DNAH5: variants seen among roughly 807,000 people sequenced by gnomAD.
DNAH5 encodes the protein axonemal beta dynein heavy chain 5.
A neutral mutation model predicts 518.2 loss-of-function variants in DNAH5; 372 were observed. The observed-to-expected ratio is 0.72, with a 90% CI of 0.66 to 0.78. The LOEUF is 0.78. Ranked by LOEUF, DNAH5 falls within the 30% of genes least tolerant of loss-of-function variation. The pLI, the probability that DNAH5 is intolerant of heterozygous loss-of-function variation, is 0.00. For missense variants in DNAH5, 5,523 were observed against 5,687.0 expected, an observed-to-expected ratio of 0.97 and a Z score of 0.93; for synonymous variants, 2,039 against 2,025.9, an observed-to-expected ratio of 1.01 and a Z score of -0.17.
intron 60 of DNAH5, 111 bp downstream of exon 60, chr5:13,762,611 G>T: frequency 1.1e-6 from 1 of 924,824 alleles, no homozygotes; most frequent in Non-Finnish European, 1.7e-6. Context: ...CCATGGACCT[G>T]AGTATCCTAA....
At chr5:13,903,590 A>T (rs1339192005) in intron 12 of DNAH5, among the ~76,000 whole-genome samples, 1 of 151,970 alleles carries the variant, frequency 6.6e-6, no homozygotes, top group Non-Finnish European at 1.5e-5. Context: ...TTAATATTAA[A>T]AGATAGAAAT....
At chr5:13,965,513 T>A (rs1472290677) in intron 1 of DNAH5, among the ~76,000 whole-genome samples, 2 of 152,206 alleles carry the variant, frequency 1.3e-5, no homozygotes, top group African/African-American at 4.8e-5. Flanking sequence ...AAAGTCTTGT[T>A]TCACATATCA....
rs781119597 is a variant in DNAH5 at position 13,885,243 on chromosome 5, A to G, written c.2744-15T>C. 1 of 1,613,688 alleles carries G rather than the reference A, an allele frequency of 6.2e-7. No individual in the cohort carries two copies. The highest frequency in any genetic ancestry group is 1.1e-5 in the South Asian group (1 of 90,892). On this transcript the variant is annotated splice_polypyrimidine_tract_variant and intron_variant, in intron 18 of 78. Transcript: ENST00000265104. ...TTCTCTTTTTGCTGTTACAAGATGA[A>G]AGAGATAGAGATAGAGATAAGTTAG...
intron 21 of DNAH5, among the ~76,000 whole-genome samples, chr5:13,880,796 TA>T (rs1771553897): frequency 6.6e-6 from 1 of 151,310 alleles, no homozygotes; most frequent in South Asian, 2.1e-4. Context: ...AGAAAACAAT[TA>T]ACAAAAAGGC....
Position 13,719,101 on chromosome 5 carries a change from C to T in DNAH5, c.12280G>A (p.Gly4094Arg), listed in dbSNP as rs1169235533. ...RKLLQQTMAN[G>R]GWALLQNCHL... is the part of the protein sequence containing the mutation. ...CAGTTCTGCAGAAGTGCCCATCCTC[C>T]CTGTCAATAGCAGTAAACGGAAATT... Residue 4094 changes from glycine to arginine, a missense_variant and splice_region_variant, in exon 72 of 79, where the codon GGA becomes AGA. Physicochemically the swap from Gly to Arg is moderately radical, Grantham distance 125 (BLOSUM62 -2). Transcript: ENST00000265104. 6.2e-7 allele frequency: 1 copy of T among 1,612,508 alleles called. No individual in the cohort carries two copies. Among genetic ancestry groups the T allele is most frequent in the Non-Finnish European group, 8.5e-7 (1 of 1,178,794 alleles).
chr5:13,803,960 G>A (rs767369858), intron 47 of DNAH5, among the ~76,000 whole-genome samples: 67 of 152,222 alleles, frequency 4.4e-4, no homozygotes, highest in South Asian at 1.2e-3. Context: ...TTGTAAGATG[G>A]TAGCTATATT....
At position 13,788,914 on chromosome 5, in the gene DNAH5, C is replaced by G. The variant is rs745885469; in HGVS notation, c.8449G>C (p.Asp2817His). The change falls in exon 51 of 79, where the codon GAT becomes CAT. Residue 2817 changes from aspartate to histidine, a missense_variant and splice_region_variant. Physicochemically the swap from Asp to His is moderately conservative, Grantham distance 81. Transcript: ENST00000265104. ...TCATGCTTCCACAGCTTTAACAGATCCTGTTGAAAGTATAATTAAAATGTG... is the reference window on the plus strand; with the variant it reads ...TCATGCTTCCACAGCTTTAACAGATGCTGTTGAAAGTATAATTAAAATGTG... ...TTSEVIKEPNDLLKLWKHECK... is the reference protein window; with the variant it reads ...TTSEVIKEPNHLLKLWKHECK... 1.9e-6 allele frequency: 3 copies of G among 1,613,414 alleles called. No homozygotes were observed. In the South Asian group the frequency reaches 3.3e-5, roughly 18 times the overall value.
chr5:13,871,141 C>A, intron 23 of DNAH5, 139 bp from the exon 24 acceptor site: 1 of 655,178 alleles, frequency 1.5e-6, no homozygotes, highest in East Asian at 2.7e-5. Context: ...TGGAAAAAAT[C>A]ATAATTTTTC....
chr5:13,792,122 A>G lies in DNAH5; in HGVS notation c.8320T>C (p.Trp2774Arg). The change falls in exon 50 of 79, where the codon TGG (tryptophan) becomes CGG (arginine). Residue 2774 changes from tryptophan (W) to arginine (R), a missense_variant. By Grantham distance (101) the Trp-to-Arg change is moderately radical. Transcript: ENST00000265104. Reference protein sequence around the residue: ...TKLVPLTRRLWQMTKIKMLPT... With the variant: ...TKLVPLTRRLRQMTKIKMLPT... ...AGCATTTTAATCTTGGTCATCTGCC[A>G]TAGTCGGCGTGTCAGAGGCACCAAT... 1 of 1,614,094 alleles carries G rather than the reference A, an allele frequency of 6.2e-7. No homozygotes were observed. The highest frequency in any genetic ancestry group is 1.1e-5 in the South Asian group (1 of 91,064).
intron 78 of DNAH5, among the ~76,000 whole-genome samples, chr5:13,694,896 A>G (rs955385511): frequency 1.3e-5 from 2 of 152,238 alleles, no homozygotes; most frequent in African/African-American, 4.8e-5. Context: ...TCCTATGTAC[A>G]TAACAGTGTC....
chr5:13,975,891 C>A (rs1782202925), intron 1 of DNAH5, among the ~76,000 whole-genome samples: 4 of 152,210 alleles, frequency 2.6e-5, no homozygotes, highest in Admixed American at 2.6e-4. Flanking sequence ...CTAAATTCTG[C>A]CAGGCATGGT....
Position 13,839,355 on chromosome 5 carries a change from C to A in DNAH5, c.5882+1G>T. 5.0e-6 allele frequency: 8 copies of A among 1,613,902 alleles called. No homozygotes were observed. Among genetic ancestry groups the A allele is most frequent in the Middle Eastern group, 1.6e-4 (1 of 6,062 alleles). ...GGGGTTGGGGAGAAGGGTTCCATCA[C>A]CTGTCTGTAAGTGGAGTTATTACAA... On this transcript the variant is annotated splice_donor_variant, in intron 35 of 78. Transcript: ENST00000265104. LOFTEE classifies it high-confidence loss of function.
At position 13,707,457 on chromosome 5, in the gene DNAH5, A is replaced by C. The variant is rs1432990603; in HGVS notation, c.13338+666T>G. Among the ~76,000 whole-genome samples, 1 of 152,172 alleles carries C rather than the reference A, an allele frequency of 6.6e-6. No individual in the cohort carries two copies. Among genetic ancestry groups the C allele is most frequent in the Non-Finnish European group, 1.5e-5 (1 of 68,024 alleles). On this transcript the variant is annotated intron_variant, in intron 76 of 78. Coordinates refer to ENST00000265104, the MANE Select transcript of DNAH5 (RefSeq NM_001369.3). The surrounding 1 kb of genome is among the most constrained non-coding windows in gnomAD (Gnocchi z 4.0). ...ACGCGAGCCATCTGCAGATGGCAAA[A>C]CTGAAAGAGTACACTGTAACACATG...
chr5:13,742,138 T>C (rs752024024), intron 65 of DNAH5, among the ~76,000 whole-genome samples: 1 of 152,084 alleles, frequency 6.6e-6, no homozygotes, highest in Non-Finnish European at 1.5e-5. Flanking sequence ...TCACATATTA[T>C]CATAAAAGTG....
chr5:13,993,313 T>G (rs1783693416), intron 1 of DNAH5, among the ~76,000 whole-genome samples: 1 of 152,180 alleles, frequency 6.6e-6, no homozygotes, highest in Non-Finnish European at 1.5e-5. Context: ...GTCTCTAAAT[T>G]TTCTCTTTAA....
intron 68 of DNAH5, among the ~76,000 whole-genome samples, chr5:13,730,559 T>C (rs13355651): frequency 0.01 from 1,562 of 152,062 alleles, 36 homozygotes; most frequent in African/African-American, 0.036. Context: ...CTCAGCCTCC[T>C]GAGTAGCTGG....
intron 34 of DNAH5, among the ~76,000 whole-genome samples, chr5:13,840,531 G>T (rs1456592916): frequency 6.6e-6 from 1 of 152,138 alleles, no homozygotes; most frequent in Non-Finnish European, 1.5e-5. Flanking sequence ...GTCCTAAACA[G>T]CTCTACTAAG....
intron 76 of DNAH5, among the ~76,000 whole-genome samples, chr5:13,701,736 A>C (rs181012250): frequency 1.2e-3 from 188 of 152,352 alleles, no homozygotes; most frequent in African/African-American, 3.4e-3. Flanking sequence ...CCATGTACCA[A>C]TATATTCATC....
chr5:13,820,845 C>T (rs1355281287), intron 40 of DNAH5, among the ~76,000 whole-genome samples: 1 of 81,988 alleles, frequency 1.2e-5, no homozygotes, highest in Non-Finnish European at 2.6e-5. Flanking sequence ...AAAAAAAAAA[C>T]ACATCAATGA....
Sources: allele counts gnomAD v4.1 joint callset (sites outside exome capture counted in the v4.1 genomes callset), GRCh38; gene constraint gnomAD v4.1.1; non-coding constraint Gnocchi (gnomAD v3.1); transcripts MANE v1.5; gene names NCBI Gene and HGNC (gene_info 2026-07-23, HGNC 2026-07-21).